Variants in FRYL observed in about 807,000 individuals in gnomAD.
FRYL encodes the protein FRY like transcription coactivator.
A neutral mutation model predicts 351.2 loss-of-function variants in FRYL; 150 were observed. That is an observed-to-expected ratio of 0.43 (90% CI 0.37 to 0.49). The LOEUF is 0.49. Ranked by LOEUF, FRYL falls within the 20% of genes least tolerant of loss-of-function variation. The probability of loss-of-function intolerance (pLI) is 0.00; values close to 1 mark genes in which losing one functional copy is unlikely to be tolerated. For synonymous variants in FRYL, 1,153 were observed against 1,257.1 expected (o/e 0.92, Z 1.75); for missense variants, 3,036 against 3,619.3 (o/e 0.84, Z 4.13).
chr4:48,550,708 TG>T lies in FRYL; in HGVS notation c.4521-5del. ...GTAAATGTCCAGGTGCACATAGCTA[TG>T]GGAATGATCACTGAAGTTAGTCACA... On this transcript the variant is annotated splice_polypyrimidine_tract_variant and splice_region_variant and intron_variant, in intron 37 of 63. Transcript: ENST00000358350. 1 of 1,588,636 alleles carries T rather than the reference TG, an allele frequency of 6.3e-7. No individual in the cohort carries two copies. The highest frequency in any genetic ancestry group is 8.6e-7 in the Non-Finnish European group (1 of 1,156,830).
chr4:48,552,906 A>G (rs955834472), intron 36 of FRYL, among the ~76,000 whole-genome samples: 5 of 152,138 alleles, frequency 3.3e-5, no homozygotes, highest in Non-Finnish European at 7.4e-5. Context: ...ATTTCATTGG[A>G]TGTTCTTCTA....
At chr4:48,531,008 C>T (rs973876048) in intron 50 of FRYL, 148 bp downstream of exon 50, 3 of 605,670 alleles carry the variant, frequency 5.0e-6, no homozygotes, top group Non-Finnish European at 8.9e-6. Context: ...CAGGCCTTCT[C>T]CCCATCCCCA....
intron 2 of FRYL, among the ~76,000 whole-genome samples, chr4:48,695,060 TCAAACAAA>T (rs574561990): frequency 5.9e-5 from 9 of 152,100 alleles, no homozygotes; most frequent in East Asian, 1.9e-4. Context: ...AGACCCTGTT[TCAAACAAA>T]CAAACAAACA....
intron 21 of FRYL, among the ~76,000 whole-genome samples, chr4:48,581,207 A>AT (rs1253800613): frequency 1.3e-3 from 190 of 149,420 alleles, no homozygotes; most frequent in Non-Finnish European, 2.2e-3. Context: ...CGCCCGGCTA[A>AT]TTTTTTTTTT....
intron 1 of FRYL, among the ~76,000 whole-genome samples, chr4:48,724,592 G>C (rs912069450): frequency 6.6e-6 from 1 of 152,174 alleles, no homozygotes; most frequent in Non-Finnish European, 1.5e-5. Flanking sequence ...GGGCTGTCTT[G>C]TGGATATTTA....
chr4:48,564,274 C>T (rs1441729305), intron 30 of FRYL, among the ~76,000 whole-genome samples, 172 bp from the exon 31 acceptor site: 1 of 152,212 alleles, frequency 6.6e-6, no homozygotes, highest in Non-Finnish European at 1.5e-5. Flanking sequence ...GAAAAAACCA[C>T]ACAGATGAAC....
At chr4:48,614,116 CAG>C (rs966181277) in intron 7 of FRYL, among the ~76,000 whole-genome samples, 5 of 151,952 alleles carry the variant, frequency 3.3e-5, no homozygotes, top group Admixed American at 6.5e-5. Context: ...TCTGGTAAGA[CAG>C]AGTTCGAGGT....
At chr4:48,600,084 G>A (rs965465277) in intron 13 of FRYL, among the ~76,000 whole-genome samples, 11 of 151,840 alleles carry the variant, frequency 7.2e-5, no homozygotes, top group African/African-American at 2.7e-4. Flanking sequence ...TCCAGCCTGG[G>A]TGACAGAGCG....
intron 3 of FRYL, among the ~76,000 whole-genome samples, chr4:48,682,755 AAGTCAGGAAACAACAG>A (rs1224959538): frequency 1.3e-5 from 2 of 152,226 alleles, no homozygotes; most frequent in African/African-American, 4.8e-5. Context: ...GATCATTAAA[AAGTCAGGAAACAACAG>A]ATGTTGGAGA....
intron 1 of FRYL, among the ~76,000 whole-genome samples, chr4:48,729,730 C>G (rs1448651939): frequency 6.6e-6 from 1 of 152,142 alleles, no homozygotes; most frequent in African/African-American, 2.4e-5. Flanking sequence ...AAAACCCCAT[C>G]CGTAGGTCAC....
At chr4:48,576,952 C>A (rs1446422049) in intron 23 of FRYL, among the ~76,000 whole-genome samples, 1 of 151,942 alleles carries the variant, frequency 6.6e-6, no homozygotes, top group African/African-American at 2.4e-5. Flanking sequence ...TTTGTATCTA[C>A]CTTTTAGACT....
chr4:48,761,915 G>A (rs551345179), intron 1 of FRYL, among the ~76,000 whole-genome samples: 1 of 152,266 alleles, frequency 6.6e-6, no homozygotes, highest in South Asian at 2.1e-4. Flanking sequence ...CCCATTGTTA[G>A]GCGTATGGCT....
intron 1 of FRYL, among the ~76,000 whole-genome samples, chr4:48,725,746 C>T (rs1770004291): frequency 6.6e-6 from 1 of 152,108 alleles, no homozygotes; most frequent in South Asian, 2.1e-4. Context: ...TTTTACTTAA[C>T]AATGGTCCCA....
chr4:48,663,791 A>AAAAG (rs1397395102), intron 3 of FRYL, among the ~76,000 whole-genome samples: 1 of 149,288 alleles, frequency 6.7e-6, no homozygotes, highest in African/African-American at 2.5e-5. Flanking sequence ...AAAAAAAAAA[A>AAAAG]AAAAAAGAGA....
intron 11 of FRYL, among the ~76,000 whole-genome samples, chr4:48,604,977 A>G (rs1165592991): frequency 6.6e-6 from 1 of 152,232 alleles, no homozygotes; most frequent in Admixed American, 6.5e-5. Context: ...GAAGGGATAA[A>G]CAGTAATTCA....
chr4:48,583,766 G>A (rs546939777), intron 19 of FRYL, among the ~76,000 whole-genome samples: 309 of 151,988 alleles, frequency 2.0e-3, no homozygotes, highest in African/African-American at 6.8e-3. Context: ...TTAACCAGGC[G>A]TGGTGGTGCA....
At chr4:48,577,210 T>A (rs998958968) in intron 23 of FRYL, among the ~76,000 whole-genome samples, 4 of 152,218 alleles carry the variant, frequency 2.6e-5, no homozygotes, top group African/African-American at 4.8e-5. Flanking sequence ...TTTTCAAGGC[T>A]TCTGCCAAAT....
intron 1 of FRYL, among the ~76,000 whole-genome samples, chr4:48,720,448 G>A (rs1769343021): frequency 6.6e-6 from 1 of 151,974 alleles, no homozygotes; most frequent in Non-Finnish European, 1.5e-5. Flanking sequence ...AGTGAGCTGA[G>A]ATCACGCCAC....
At chr4:48,671,650 A>T (rs1194816176) in intron 3 of FRYL, among the ~76,000 whole-genome samples, 1 of 150,344 alleles carries the variant, frequency 6.7e-6, no homozygotes, top group Non-Finnish European at 1.5e-5. Context: ...CTGGGCAACA[A>T]GAGCAAAACT....
Sources: gnomAD v4.1 joint callset for allele counts (sites outside exome capture counted in the v4.1 genomes callset) on GRCh38, gnomAD v4.1.1 for gene constraint, MANE v1.5 for transcripts, NCBI Gene and HGNC (gene_info 2026-07-23, HGNC 2026-07-21) for gene names.